RNF121: variants seen among roughly 807,000 people sequenced by gnomAD.
The protein encoded by RNF121 is ring finger protein 121.
In RNF121, 21 loss-of-function variants were observed where a neutral mutation model predicts 46.5. The observed-to-expected ratio is 0.45, with a 90% CI of 0.32 to 0.65. The LOEUF is 0.65. Among genes scored for constraint, RNF121 ranks in the 30% least tolerant of loss-of-function variants. The pLI is 0.04. For missense variants in RNF121, 346 were observed against 416.0 expected, an observed-to-expected ratio of 0.83 and a Z score of 1.46; for synonymous variants, 139 against 144.7, an observed-to-expected ratio of 0.96 and a Z score of 0.28.
intron 3 of RNF121, among the ~76,000 whole-genome samples, chr11:71,968,151 C>T (rs111977851): frequency 0.032 from 4,930 of 151,916 alleles, 77 homozygotes; most frequent in East Asian, 0.078. Context: ...AACCTCTGCC[C>T]CCGGTTCAAG....
chr11:71,989,056 TCTGCA>T (rs1954819539), intron 5 of RNF121, among the ~76,000 whole-genome samples: 1 of 140,220 alleles, frequency 7.1e-6, no homozygotes, highest in Non-Finnish European at 1.6e-5. Flanking sequence ...ATTATGGGAT[TCTGCA>T]TTATGGTTTT....
At chr11:71,983,869 T>G (rs1954711826) in intron 4 of RNF121, 1 of 152,354 alleles carries the variant, frequency 6.6e-6, no homozygotes, top group South Asian at 2.1e-4. Flanking sequence ...AATTGTAGAT[T>G]GCTCTTCTTC....
At position 71,994,727 on chromosome 11, in the gene RNF121, C is replaced by T. The variant is rs566147682; in HGVS notation, c.636C>T (p.Ser212=). ...DYMASTIGFY[S]ESGMPTKHLS... ...CTGCTATTCTCCTTCAGTTCTACAG[C>T]GAGTCGGGCATGCCTACCAAACATC... The change falls in exon 7 of 9, where the codon AGC becomes AGT. Residue 212 remains serine (S), a synonymous_variant. Coordinates refer to ENST00000361756, the MANE Select transcript of RNF121 (RefSeq NM_018320.5). 18 of 1,614,122 alleles carry T rather than the reference C, an allele frequency of 1.1e-5. No individual in the cohort carries two copies. The highest frequency in any genetic ancestry group is 1.4e-5 in the Non-Finnish European group (17 of 1,180,020).
chr11:71,935,116 A>G (rs1220546879), intron 1 of RNF121, among the ~76,000 whole-genome samples: 2 of 151,956 alleles, frequency 1.3e-5, no homozygotes, highest in African/African-American at 4.8e-5. Flanking sequence ...TAATTTTTGT[A>G]GAGACAGAGT....
At chr11:71,982,165 C>A (rs928256697) in intron 3 of RNF121, among the ~76,000 whole-genome samples, 21 of 151,660 alleles carry the variant, frequency 1.4e-4, no homozygotes, top group African/African-American at 4.8e-4. Flanking sequence ...ATGTTGGATC[C>A]TCTCTACTAA....
chr11:71,955,531 T>C (rs1953971234), intron 1 of RNF121, among the ~76,000 whole-genome samples: 1 of 151,996 alleles, frequency 6.6e-6, no homozygotes, highest in Non-Finnish European at 1.5e-5. Flanking sequence ...AAAGTTGCAG[T>C]TGGAGCTGGG....
At chr11:71,930,409 G>T (rs978684980) in intron 1 of RNF121, among the ~76,000 whole-genome samples, 7 of 152,168 alleles carry the variant, frequency 4.6e-5, no homozygotes, top group Non-Finnish European at 2.9e-5. Context: ...TTGCCTGGTA[G>T]TGGGATGAGT....
At chr11:71,958,208 CAT>C (rs1173784777) in intron 2 of RNF121, among the ~76,000 whole-genome samples, 1 of 152,166 alleles carries the variant, frequency 6.6e-6, no homozygotes, top group African/African-American at 2.4e-5. Flanking sequence ...TTAACTGGAT[CAT>C]GTGTAGAAGA....
intron 1 of RNF121, among the ~76,000 whole-genome samples, chr11:71,950,302 T>C (rs924602237): frequency 1.3e-5 from 2 of 151,766 alleles, no homozygotes; most frequent in African/African-American, 2.4e-5. Context: ...TTTATTGATA[T>C]AGCCAGGCAC....
At chr11:71,990,186 G>A (rs1341542393) in intron 5 of RNF121, among the ~76,000 whole-genome samples, 2 of 152,296 alleles carry the variant, frequency 1.3e-5, no homozygotes, top group Admixed American at 6.5e-5. Flanking sequence ...GTTTCAACTT[G>A]AGTGGCTAGC....
intron 4 of RNF121, 125 bp downstream of exon 4, chr11:71,983,040 G>T: frequency 1.1e-6 from 1 of 910,252 alleles, no homozygotes. Context: ...TTTGGCATGG[G>T]GCCTCTCTAA....
chr11:71,944,933 G>A (rs1449221985), intron 1 of RNF121, among the ~76,000 whole-genome samples: 1 of 151,994 alleles, frequency 6.6e-6, no homozygotes, highest in Non-Finnish European at 1.5e-5. Flanking sequence ...TTTACTGCTG[G>A]CTATTAAAGA....
At chr11:71,967,991 A>G (rs538596430) in intron 3 of RNF121, among the ~76,000 whole-genome samples, 9 of 152,094 alleles carry the variant, frequency 5.9e-5, no homozygotes, top group Non-Finnish European at 1.2e-4. Context: ...TGCTACGGAT[A>G]TCTTTCCCCA....
At chr11:71,937,201 G>T (rs1315967979) in intron 1 of RNF121, among the ~76,000 whole-genome samples, 1 of 152,154 alleles carries the variant, frequency 6.6e-6, no homozygotes, top group African/African-American at 2.4e-5. Context: ...TTTCCATTAG[G>T]CAGGGAACTC....
intron 4 of RNF121, among the ~76,000 whole-genome samples, chr11:71,985,491 G>A (rs1053051977): frequency 9.2e-5 from 14 of 152,130 alleles, no homozygotes; most frequent in Non-Finnish European, 1.8e-4. Context: ...TTTGTGATCA[G>A]TGCAATCCCT....
intron 6 of RNF121, among the ~76,000 whole-genome samples, chr11:71,990,965 A>G (rs1954853589): frequency 6.6e-6 from 1 of 152,256 alleles, no homozygotes; most frequent in East Asian, 1.9e-4. Flanking sequence ...CAGTTAATGC[A>G]GGAACAGAAA....
At chr11:71,966,321 A>G (rs567589589) in intron 3 of RNF121, among the ~76,000 whole-genome samples, 2 of 152,208 alleles carry the variant, frequency 1.3e-5, no homozygotes, top group East Asian at 3.9e-4. Flanking sequence ...GCCTGGCCTG[A>G]TATTTCCATT....
chr11:71,946,003 C>G (rs1953705947), intron 1 of RNF121, among the ~76,000 whole-genome samples: 1 of 151,764 alleles, frequency 6.6e-6, no homozygotes, highest in South Asian at 2.1e-4. Context: ...CCCTGCTACT[C>G]GGGAGGCTGA....
rs2134188829 is a variant in RNF121 at position 71,969,924 on chromosome 11, T to G, written c.243+9033T>G. 2.0e-5 allele frequency among the ~76,000 whole-genome samples: 3 copies of G among 152,266 alleles called. 1 individual carries two copies. In the Middle Eastern group the frequency reaches 0.01, roughly 518 times the overall value. On this transcript the variant is annotated intron_variant, in intron 3 of 8. Coordinates refer to ENST00000361756, the MANE Select transcript of RNF121 (RefSeq NM_018320.5). Reference sequence around the variant, plus strand: ...TCAAGATTCCAGATAATGGTAACCTTGTATGGAAGAGAGACTGCAGGATAG... The same window carrying G: ...TCAAGATTCCAGATAATGGTAACCTGGTATGGAAGAGAGACTGCAGGATAG...
Sources: gnomAD v4.1 joint callset for allele counts (sites outside exome capture counted in the v4.1 genomes callset) on GRCh38, gnomAD v4.1.1 for gene constraint, MANE v1.5 for transcripts, NCBI Gene and HGNC (gene_info 2026-07-23, HGNC 2026-07-21) for gene names.